MCF2L2: variants seen among roughly 807,000 people sequenced by gnomAD.
The protein encoded by MCF2L2 is MCF.2 cell line derived transforming sequence-like 2.
In MCF2L2, 102 loss-of-function variants were observed where a neutral mutation model predicts 150.2. That is an observed-to-expected ratio of 0.68 (90% CI 0.58 to 0.80). The LOEUF (loss-of-function observed/expected upper bound fraction) is 0.80. Ranked by LOEUF, MCF2L2 falls within the 30% of genes least tolerant of loss-of-function variation. MCF2L2 has a pLI of 0.00. For missense variants in MCF2L2, 1,256 were observed against 1,372.8 expected, an observed-to-expected ratio of 0.91 and a Z score of 1.34; for synonymous variants, 465 against 491.3, an observed-to-expected ratio of 0.95 and a Z score of 0.71.
chr3:183,223,267 T>C, intron 20 of MCF2L2, 79 bp downstream of exon 20: 1 of 1,058,732 alleles, frequency 9.4e-7, no homozygotes, highest in Non-Finnish European at 1.5e-6. Flanking sequence ...GGCACAGCTC[T>C]ACATGTGTAA....
intron 22 of MCF2L2, among the ~76,000 whole-genome samples, chr3:183,211,895 A>T (rs1245223385): frequency 1.3e-5 from 2 of 152,022 alleles, no homozygotes; most frequent in Non-Finnish European, 2.9e-5. Context: ...TCCCCCAAAA[A>T]CTCATGTCTA....
At chr3:183,207,384 A>G (rs1214144959) in intron 23 of MCF2L2, among the ~76,000 whole-genome samples, 1 of 152,140 alleles carries the variant, frequency 6.6e-6, no homozygotes, top group Admixed American at 6.5e-5. Flanking sequence ...GCTGCCATAT[A>G]GTCTTTTTTC....
chr3:183,342,158 A>G (rs527419652), intron 3 of MCF2L2, among the ~76,000 whole-genome samples: 199 of 152,180 alleles, frequency 1.3e-3, no homozygotes, highest in Non-Finnish European at 1.5e-3. Context: ...AGAAGACATC[A>G]TTGTCACTAA....
At chr3:183,191,538 C>G (rs1410775620) in intron 27 of MCF2L2, among the ~76,000 whole-genome samples, 1 of 152,122 alleles carries the variant, frequency 6.6e-6, no homozygotes, top group Non-Finnish European at 1.5e-5. Flanking sequence ...TGTTTCTATT[C>G]GCCTTCCACC....
At chr3:183,390,500 T>C (rs181331488) in intron 1 of MCF2L2, among the ~76,000 whole-genome samples, 23 of 152,230 alleles carry the variant, frequency 1.5e-4, no homozygotes, top group African/African-American at 2.2e-4. Flanking sequence ...TCATTTCCAT[T>C]TGGGGAAAAG....
chr3:183,330,245 G>GAAAAAAA (rs200391954), intron 5 of MCF2L2, among the ~76,000 whole-genome samples: 8 of 57,330 alleles, frequency 1.4e-4, no homozygotes, highest in African/African-American at 4.3e-4. Context: ...ACCCTGTCTT[G>GAAAAAAA]AAAAAAAAAA....
intron 4 of MCF2L2, among the ~76,000 whole-genome samples, chr3:183,341,131 G>A (rs774534394): frequency 5.3e-5 from 8 of 152,278 alleles, no homozygotes; most frequent in East Asian, 1.9e-4. Context: ...GGTTACTGCC[G>A]TAGGCAAAGG....
chr3:183,297,286 G>T, intron 11 of MCF2L2, 119 bp from the exon 12 acceptor site: 1 of 885,228 alleles, frequency 1.1e-6, no homozygotes, highest in East Asian at 2.6e-5. Context: ...ATGGGAAATT[G>T]TCATGGGACG....
intron 25 of MCF2L2, among the ~76,000 whole-genome samples, chr3:183,201,600 A>G (rs1304356395): frequency 2.6e-5 from 4 of 152,254 alleles, no homozygotes; most frequent in African/African-American, 7.2e-5. Flanking sequence ...TCTTTTCCTA[A>G]TTCAATACCC....
intron 27 of MCF2L2, among the ~76,000 whole-genome samples, chr3:183,182,923 C>T (rs1287483307): frequency 1.3e-5 from 2 of 152,168 alleles, no homozygotes; most frequent in African/African-American, 2.4e-5. Context: ...GAGTCAGGGC[C>T]AGGACCGGGG....
At chr3:183,269,779 A>C (rs983909264) in intron 15 of MCF2L2, 2 of 1,579,678 alleles carry the variant, frequency 1.3e-6, no homozygotes, top group Non-Finnish European at 1.7e-6. Flanking sequence ...GATCCTAACT[A>C]AAAACAGACT....
chr3:183,305,300 C>G lies in MCF2L2; in HGVS notation c.1113+4416G>C, dbSNP rs889140675. Reference sequence around the variant, plus strand: ...TTTAGTCAAATATAGAAACATGAGACTTGGCATGAAAGTCTCTGTTGACAC... The same window carrying G: ...TTTAGTCAAATATAGAAACATGAGAGTTGGCATGAAAGTCTCTGTTGACAC... On this transcript the variant is annotated intron_variant, in intron 10 of 29. Coordinates refer to ENST00000328913, the MANE Select transcript of MCF2L2 (RefSeq NM_015078.4). The surrounding 1 kb of genome is among the most constrained non-coding windows in gnomAD (Gnocchi z 4.1). Among the ~76,000 whole-genome samples the G allele has an allele frequency of 6.6e-6, 1 of 151,722 alleles. No homozygotes were observed. The highest frequency in any genetic ancestry group is 1.5e-5 in the Non-Finnish European group (1 of 67,974).
intron 1 of MCF2L2, among the ~76,000 whole-genome samples, chr3:183,403,274 T>TAAATA (rs56217537): frequency 0.36 from 53,861 of 151,356 alleles, 9,678 homozygotes; most frequent in Middle Eastern, 0.41. Context: ...CGTCTCAAAA[T>TAAATA]AAATAAAATA....
intron 3 of MCF2L2, chr3:183,378,962 G>A (rs1328219272): frequency 5.2e-6 from 1 of 191,486 alleles, no homozygotes. Flanking sequence ...GGGCAACAGA[G>A]CAAGACTCCA....
chr3:183,199,961 T>C (rs570399422), intron 25 of MCF2L2, among the ~76,000 whole-genome samples: 246 of 152,314 alleles, frequency 1.6e-3, no homozygotes, highest in African/African-American at 5.4e-3. Flanking sequence ...GAACTCATTG[T>C]TTTTTATGGC....
chr3:183,193,565 G>T (rs187672655), intron 26 of MCF2L2, among the ~76,000 whole-genome samples: 1 of 152,092 alleles, frequency 6.6e-6, no homozygotes, highest in East Asian at 1.9e-4. Flanking sequence ...TGGCCAGGAT[G>T]GTCTTGATCT....
intron 1 of MCF2L2, among the ~76,000 whole-genome samples, chr3:183,395,350 G>A (rs1314591596): frequency 6.6e-6 from 1 of 152,054 alleles, no homozygotes; most frequent in Non-Finnish European, 1.5e-5. Context: ...TTTTAAAAAA[G>A]AAAGAAAAAA....
chr3:183,216,615 T>G (rs1722953249), intron 21 of MCF2L2, among the ~76,000 whole-genome samples: 4 of 93,526 alleles, frequency 4.3e-5, no homozygotes, highest in African/African-American at 1.4e-4. Context: ...TTTTTTTTTT[T>G]TGAGAGCGAG....
intron 22 of MCF2L2, among the ~76,000 whole-genome samples, chr3:183,209,537 G>A (rs1401751775): frequency 6.6e-6 from 1 of 152,130 alleles, no homozygotes; most frequent in Non-Finnish European, 1.5e-5. Context: ...TGCCAAGGCT[G>A]CAGTAGAGTG....
Sources: allele counts gnomAD v4.1 joint callset (sites outside exome capture counted in the v4.1 genomes callset), GRCh38; gene constraint gnomAD v4.1.1; non-coding constraint Gnocchi (gnomAD v3.1); transcripts MANE v1.5; gene names NCBI Gene and HGNC (gene_info 2026-07-23, HGNC 2026-07-21).